The following GALNTL6 variants were observed in gnomAD, a reference collection of about 807,000 sequenced individuals.
The protein encoded by GALNTL6 is polypeptide N-acetylgalactosaminyltransferase-like 6.
A neutral mutation model predicts 73.7 loss-of-function variants in GALNTL6; 46 were observed. The ratio of observed to expected loss-of-function variants is 0.62; its 90% CI spans 0.49 to 0.80. The LOEUF (loss-of-function observed/expected upper bound fraction) is 0.80. Ranked by LOEUF, GALNTL6 falls within the 30% of genes least tolerant of loss-of-function variation. The pLI is 0.00. For synonymous variants in GALNTL6, 259 were observed against 263.7 expected (o/e 0.98, Z 0.17); for missense variants, 604 against 755.0 (o/e 0.80, Z 2.34).
intron 5 of GALNTL6, among the ~76,000 whole-genome samples, chr4:172,618,783 G>T (rs944225694): frequency 6.6e-6 from 1 of 152,062 alleles, no homozygotes; most frequent in Non-Finnish European, 1.5e-5. Flanking sequence ...GAGTGCAGTG[G>T]TGCAATCACG....
intron 5 of GALNTL6, among the ~76,000 whole-genome samples, chr4:172,569,731 G>A (rs1039388729): frequency 1.2e-4 from 19 of 152,174 alleles, no homozygotes; most frequent in African/African-American, 4.6e-4. Context: ...TGTTAGATAT[G>A]GGGTGCTTTT....
At chr4:171,883,458 G>C (rs575060666) in intron 2 of GALNTL6, among the ~76,000 whole-genome samples, 2 of 152,168 alleles carry the variant, frequency 1.3e-5, no homozygotes, top group Non-Finnish European at 2.9e-5. Context: ...CCATGCATCA[G>C]CCTGCTTCAT....
intron 5 of GALNTL6, among the ~76,000 whole-genome samples, chr4:172,790,898 A>G (rs867935107): frequency 8.8e-4 from 111 of 125,478 alleles, no homozygotes; most frequent in Middle Eastern, 3.6e-3. Flanking sequence ...GACTCCATCA[A>G]AAAAAAAAAA....
At chr4:172,655,506 T>A (rs1730945854) in intron 5 of GALNTL6, among the ~76,000 whole-genome samples, 1 of 152,174 alleles carries the variant, frequency 6.6e-6, no homozygotes, top group African/African-American at 2.4e-5. Flanking sequence ...TATCTTCATT[T>A]TATAGATGAG....
At chr4:172,161,260 T>G (rs1305902004) in intron 2 of GALNTL6, among the ~76,000 whole-genome samples, 1 of 152,086 alleles carries the variant, frequency 6.6e-6, no homozygotes, top group East Asian at 1.9e-4. Context: ...TTGATTTATA[T>G]AGATGTGCAT....
intron 2 of GALNTL6, among the ~76,000 whole-genome samples, chr4:171,874,465 C>A (rs1417807335): frequency 6.6e-6 from 1 of 152,132 alleles, no homozygotes; most frequent in Non-Finnish European, 1.5e-5. Flanking sequence ...GCTGGGATTA[C>A]AGGCATGAGG....
At chr4:172,958,526 A>C (rs967356556) in intron 10 of GALNTL6, among the ~76,000 whole-genome samples, 1 of 152,198 alleles carries the variant, frequency 6.6e-6, no homozygotes, top group Admixed American at 6.5e-5. Flanking sequence ...TTAGGATGGC[A>C]AAACCAGGTA....
intron 2 of GALNTL6, among the ~76,000 whole-genome samples, chr4:172,034,614 T>G (rs1007671185): frequency 3.3e-5 from 5 of 152,106 alleles, no homozygotes; most frequent in African/African-American, 1.2e-4. Context: ...GTACACAAAC[T>G]CATGAATTTA....
chr4:172,250,084 G>T (rs1203653178), intron 3 of GALNTL6, among the ~76,000 whole-genome samples: 3 of 152,086 alleles, frequency 2.0e-5, no homozygotes, highest in Non-Finnish European at 4.4e-5. Context: ...CTGAGGAGGG[G>T]AGCTGTACCC....
intron 3 of GALNTL6, among the ~76,000 whole-genome samples, chr4:172,258,384 A>G (rs180693808): frequency 6.6e-6 from 1 of 151,318 alleles, no homozygotes; most frequent in East Asian, 1.9e-4. Context: ...ATATGGTTTT[A>G]TCTGATCTTC....
intron 5 of GALNTL6, among the ~76,000 whole-genome samples, chr4:172,606,726 T>C (rs1738319497): frequency 7.5e-6 from 1 of 132,782 alleles, no homozygotes; most frequent in South Asian, 2.3e-4. Flanking sequence ...TATATATATA[T>C]ACTACTATTG....
At chr4:172,589,679 T>C (rs748288841) in intron 5 of GALNTL6, among the ~76,000 whole-genome samples, 22 of 152,384 alleles carry the variant, frequency 1.4e-4, no homozygotes, top group Non-Finnish European at 3.1e-4. Flanking sequence ...CCACTTTTGA[T>C]TCTTATTGTG....
chr4:172,047,335 T>C (rs562620526), intron 2 of GALNTL6, among the ~76,000 whole-genome samples: 3 of 152,200 alleles, frequency 2.0e-5, no homozygotes, highest in African/African-American at 7.2e-5. Flanking sequence ...TACAAACAGG[T>C]TCTGGAGCCT....
chr4:172,847,501 T>C (rs1743577504), intron 7 of GALNTL6, among the ~76,000 whole-genome samples: 1 of 151,954 alleles, frequency 6.6e-6, no homozygotes, highest in South Asian at 2.1e-4. Flanking sequence ...TTTATATATA[T>C]ATTTATTATT....
chr4:172,320,764 A>T (rs1051880618), intron 4 of GALNTL6, among the ~76,000 whole-genome samples: 3 of 152,246 alleles, frequency 2.0e-5, no homozygotes, highest in Non-Finnish European at 4.4e-5. Context: ...AGTGGTGTTT[A>T]ACAGCAGGAT....
intron 7 of GALNTL6, among the ~76,000 whole-genome samples, chr4:172,863,519 A>G (rs1159619707): frequency 6.6e-6 from 1 of 152,188 alleles, no homozygotes; most frequent in African/African-American, 2.4e-5. Context: ...ACTGGATTTC[A>G]GACTTGCATG....
intron 2 of GALNTL6, among the ~76,000 whole-genome samples, chr4:172,205,926 G>A (rs1002527816): frequency 3.9e-5 from 6 of 152,092 alleles, no homozygotes; most frequent in Admixed American, 3.9e-4. Flanking sequence ...TCCCATCAAT[G>A]GATTGAAAAT....
At chr4:172,284,642 C>T (rs1430009669) in intron 3 of GALNTL6, among the ~76,000 whole-genome samples, 2 of 152,022 alleles carry the variant, frequency 1.3e-5, no homozygotes, top group African/African-American at 4.8e-5. Context: ...AGTCTTTCAT[C>T]CATTTTGTGT....
At position 172,267,005 on chromosome 4, in the gene GALNTL6, T is replaced by TA. The variant is rs759955153; in HGVS notation, c.247+37242dup. Reference sequence around the variant, plus strand: ...GTCCGGGGAATTTTTATTTTAACAGTACTCCAGTTAATTTCAATTCAGTTG... The same window carrying TA: ...GTCCGGGGAATTTTTATTTTAACAGTAACTCCAGTTAATTTCAATTCAGTTG... On this transcript the variant is annotated intron_variant, in intron 3 of 12. Transcript: ENST00000506823. 3.2e-4 allele frequency among the ~76,000 whole-genome samples: 49 copies of TA among 152,290 alleles called. 1 individual carries two copies. The highest frequency in any genetic ancestry group is 3.4e-3 in the Middle Eastern group (1 of 294).
Sources: allele counts gnomAD v4.1 joint callset (sites outside exome capture counted in the v4.1 genomes callset), GRCh38; gene constraint gnomAD v4.1.1; transcripts MANE v1.5; gene names NCBI Gene and HGNC (gene_info 2026-07-23, HGNC 2026-07-21).